The following SAMD12 variants were observed in gnomAD, a reference collection of about 807,000 sequenced individuals.
SAMD12 encodes the protein sterile alpha motif domain-containing protein 12.
SAMD12 carries 9 observed loss-of-function variants against 15.0 expected under a neutral mutation model. The ratio of observed to expected loss-of-function variants is 0.60; its 90% confidence interval spans 0.36 to 1.05. The LOEUF (loss-of-function observed/expected upper bound fraction) is 1.05. Among genes scored for constraint, SAMD12 ranks in the 50% least tolerant of loss-of-function variants. The probability of loss-of-function intolerance (pLI) is 0.01; values close to 1 mark genes in which losing one functional copy is unlikely to be tolerated. For missense variants in SAMD12, 230 were observed against 234.2 expected (o/e 0.98, Z 0.12); for synonymous variants, 86 against 90.1 (o/e 0.96, Z 0.25).
At chr8:118,488,999 T>C (rs1164560637) in intron 2 of SAMD12, among the ~76,000 whole-genome samples, 1 of 152,250 alleles carries the variant, frequency 6.6e-6, no homozygotes, top group Non-Finnish European at 1.5e-5. Context: ...AAAGTTCCAG[T>C]TGGTTTTGGT....
At chr8:118,453,591 G>A (rs1477127532) in intron 2 of SAMD12, among the ~76,000 whole-genome samples, 4 of 152,046 alleles carry the variant, frequency 2.6e-5, no homozygotes, top group African/African-American at 7.2e-5. Context: ...TGTGATCCTG[G>A]CTCACTGCAG....
At chr8:118,154,220 T>A in the SAMD12 span, among the ~76,000 whole-genome samples, 1 of 151,970 alleles carries the variant, frequency 6.6e-6, no homozygotes, top group Non-Finnish European at 1.5e-5. Context: ...CTCAAGGGCC[T>A]CCAAAATCTG....
At chr8:118,341,305 C>A (rs536004302) in intron 4 of SAMD12, among the ~76,000 whole-genome samples, 1 of 152,176 alleles carries the variant, frequency 6.6e-6, no homozygotes, top group Admixed American at 6.5e-5. Context: ...CCTCACCTCT[C>A]GTATTTCACT....
At chr8:118,298,749 A>G (rs1814861376) in intron 4 of SAMD12, among the ~76,000 whole-genome samples, 1 of 152,224 alleles carries the variant, frequency 6.6e-6, no homozygotes, top group African/African-American at 2.4e-5. Flanking sequence ...AATTGTTTCA[A>G]TAAATGAAGC....
chr8:118,374,670 C>T (rs1024678307), downstream of SAMD12, among the ~76,000 whole-genome samples: 5 of 151,984 alleles, frequency 3.3e-5, no homozygotes, highest in Admixed American at 3.3e-4. Flanking sequence ...TGGTAGTGGC[C>T]ATTCTAATGG....
At chr8:118,607,568 T>C (rs1828015056) in intron 1 of SAMD12, among the ~76,000 whole-genome samples, 1 of 152,192 alleles carries the variant, frequency 6.6e-6, no homozygotes, top group Non-Finnish European at 1.5e-5. Flanking sequence ...AGGCATCATC[T>C]TTATCAAATT....
At chr8:118,170,006 G>A in the SAMD12 span, among the ~76,000 whole-genome samples, 175 of 152,314 alleles carry the variant, frequency 1.1e-3, no homozygotes, top group Admixed American at 1.8e-3. Flanking sequence ...GCTGCATTGA[G>A]CCATGGCCTC....
At chr8:118,316,781 C>T (rs1042765015) in intron 4 of SAMD12, among the ~76,000 whole-genome samples, 49 of 151,112 alleles carry the variant, frequency 3.2e-4, no homozygotes, top group Admixed American at 2.9e-3. Flanking sequence ...CACAGGGTCT[C>T]GCTCTGTCCA....
chr8:118,598,990 T>C (rs1827790672), intron 1 of SAMD12, among the ~76,000 whole-genome samples: 1 of 152,190 alleles, frequency 6.6e-6, no homozygotes, highest in Non-Finnish European at 1.5e-5. Flanking sequence ...CCATCCATTC[T>C]TTACTAAGTC....
At chr8:118,492,274 T>C (rs1205683911) in intron 2 of SAMD12, among the ~76,000 whole-genome samples, 1 of 152,136 alleles carries the variant, frequency 6.6e-6, no homozygotes, top group African/African-American at 2.4e-5. Context: ...TTTAGAAGTG[T>C]CCATTCGAAT....
intron 2 of SAMD12, among the ~76,000 whole-genome samples, chr8:118,508,179 A>C (rs989924981): frequency 1.4e-5 from 2 of 144,818 alleles, no homozygotes; most frequent in Admixed American, 1.4e-4. Flanking sequence ...AAAGGTGGGA[A>C]TTGAACGATG....
chr8:118,547,345 T>A lies in SAMD12; in HGVS notation c.192+33370A>T, dbSNP rs34710729. Among the ~76,000 whole-genome samples, 897 of 152,290 alleles carry A rather than the reference T, an allele frequency of 5.9e-3. 4 individuals are homozygous for A. Among genetic ancestry groups the A allele is most frequent in the Non-Finnish European group, 8.3e-3 (566 of 68,014 alleles). ...AAGAATGACTTCAGTGAGGCTTTTT[T>A]TTTGGTGTCCTTTGAGTAAGGCTAG... On this transcript the variant is annotated intron_variant, in intron 2 of 3. Coordinates refer to ENST00000314727, the MANE Select transcript of SAMD12 (RefSeq NM_207506.3).
In SAMD12 at chr8:118,566,646, C is replaced by T. The variant is rs111532549; in HGVS notation, c.192+14069G>A. Among the ~76,000 whole-genome samples, 1,481 of 152,186 alleles carry T rather than the reference C, an allele frequency of 9.7e-3. 6 individuals carry two copies. The highest frequency in any genetic ancestry group is 0.016 in the Non-Finnish European group (1,087 of 68,014). On this transcript the variant is annotated intron_variant, in intron 2 of 3. Transcript: ENST00000314727. ...GATCCTCCATAACACAGGTCATAAACGAAACTGCCCATAGAAGCTTAGAAA... is the reference window on the plus strand; with the variant it reads ...GATCCTCCATAACACAGGTCATAAATGAAACTGCCCATAGAAGCTTAGAAA...
At position 118,580,796 on chromosome 8, in the gene SAMD12, G is replaced by C; in HGVS notation, c.111C>G (p.Ser37=). 1.9e-6 allele frequency: 3 copies of C among 1,611,624 alleles called. No homozygotes were observed. In the African/African-American group the frequency reaches 4.0e-5, roughly 22 times the overall value. Residue 37 remains serine (S), a synonymous_variant, in exon 2 of 4, where the codon TCC becomes TCG. Coordinates refer to ENST00000314727, the MANE Select transcript of SAMD12 (RefSeq NM_207506.3). The stretch of plus-strand genomic sequence containing the variant: ...CCTTCTGGAAATTTTTATTTTTAAT[G>C]GATTGAGATTCCACACCTTCACCTT... ...QIEGEGVESQ[S]IKNKNFQKVP...
At chr8:118,549,987 A>G (rs1826272205) in intron 2 of SAMD12, among the ~76,000 whole-genome samples, 1 of 152,204 alleles carries the variant, frequency 6.6e-6, no homozygotes, top group South Asian at 2.1e-4. Context: ...AAAAAAGAAT[A>G]AAAAGAAATG....
intron 4 of SAMD12, among the ~76,000 whole-genome samples, chr8:118,273,968 T>C (rs1813421517): frequency 6.6e-6 from 1 of 152,232 alleles, no homozygotes; most frequent in Non-Finnish European, 1.5e-5. Context: ...ATCATTGCGC[T>C]GCACTCAACG....
intron 2 of SAMD12, among the ~76,000 whole-genome samples, chr8:118,572,887 C>A (rs995620676): frequency 1.3e-5 from 2 of 152,030 alleles, no homozygotes; most frequent in African/African-American, 4.8e-5. Context: ...GTGGGAGGAA[C>A]CTGGTGGGAG....
At chr8:118,607,439 T>C (rs572464828) in intron 1 of SAMD12, among the ~76,000 whole-genome samples, 4 of 152,320 alleles carry the variant, frequency 2.6e-5, no homozygotes, top group Non-Finnish European at 4.4e-5. Flanking sequence ...TTTCTCCATG[T>C]TGGTCAGGCT....
intron 4 of SAMD12, among the ~76,000 whole-genome samples, chr8:118,292,144 G>T (rs1260021856): frequency 6.6e-6 from 1 of 151,412 alleles, no homozygotes; most frequent in Non-Finnish European, 1.5e-5. Context: ...GCAGGAAAGG[G>T]CAGGAGGGGG....
Sources: allele counts gnomAD v4.1 joint callset (sites outside exome capture counted in the v4.1 genomes callset), GRCh38; gene constraint gnomAD v4.1.1; transcripts MANE v1.5; gene names NCBI Gene and HGNC (gene_info 2026-07-23, HGNC 2026-07-21).